Variants in PIK3C2G observed in about 807,000 individuals in gnomAD.
PIK3C2G encodes phosphatidylinositol 3-kinase C2 domain-containing subunit gamma.
PIK3C2G carries 168 observed loss-of-function variants against 181.1 expected under a neutral mutation model. The observed-to-expected ratio is 0.93, with a 90% CI of 0.82 to 1.05. The LOEUF is 1.05. Ranked by LOEUF, PIK3C2G falls within the 50% of genes least tolerant of loss-of-function variation. The pLI is 0.00. For synonymous variants in PIK3C2G, 573 were observed against 592.2 expected (o/e 0.97, Z 0.47); for missense variants, 1,869 against 1,732.8 (o/e 1.08, Z -1.40).
rs373807936 is a variant in PIK3C2G at position 18,384,180 on chromosome 12, C to T, written c.1995+2300C>T. Among the ~76,000 whole-genome samples the T allele has an allele frequency of 1.2e-3, 179 of 151,684 alleles. No individual in the cohort carries two copies. The Middle Eastern group carries it at 0.024, about 20-fold the overall frequency. ...AAGTTAAGGATCATAGGGCCAAAAA[C>T]TAAGAAAAAACAATTAAGTGGTAGA... is the stretch of plus-strand genomic sequence containing the variant. On this transcript the variant is annotated intron_variant, in intron 14 of 32. Coordinates refer to ENST00000538779, the MANE Select transcript of PIK3C2G (RefSeq NM_001288772.2).
At chr12:18,586,586 G>A (rs1481979823) in intron 29 of PIK3C2G, among the ~76,000 whole-genome samples, 1 of 151,810 alleles carries the variant, frequency 6.6e-6, no homozygotes, top group African/African-American at 2.4e-5. Flanking sequence ...AAATAACCTA[G>A]TAACCAAAAA....
intron 29 of PIK3C2G, among the ~76,000 whole-genome samples, chr12:18,578,106 ATATTAGG>A (rs1946321927): frequency 6.6e-6 from 1 of 152,188 alleles, no homozygotes; most frequent in African/African-American, 2.4e-5. Context: ...AGAAGGTGAT[ATATTAGG>A]TATCTGTCTT....
chr12:18,247,771 T>G (rs1948055322), exon 1 of PIK3C2G: 1 of 152,164 alleles, frequency 6.6e-6, no homozygotes. Context: ...GTCTAGTCCT[T>G]AGTTCCTGCC....
chr12:18,376,803 C>T (rs1390360753), intron 13 of PIK3C2G, among the ~76,000 whole-genome samples: 2 of 152,126 alleles, frequency 1.3e-5, no homozygotes, highest in African/African-American at 2.4e-5. Flanking sequence ...GTGTGTGGCA[C>T]ATCTTCAAAG....
chr12:18,515,836 G>A (rs1294332548), intron 24 of PIK3C2G, among the ~76,000 whole-genome samples: 1 of 151,790 alleles, frequency 6.6e-6, no homozygotes, highest in Non-Finnish European at 1.5e-5. Context: ...TTTTGTTGAT[G>A]TATGCATTTA....
chr12:18,338,675 G>C (rs1591995685), intron 9 of PIK3C2G, 127 bp downstream of exon 9: 1 of 533,578 alleles, frequency 1.9e-6, no homozygotes, highest in Non-Finnish European at 3.3e-6. Flanking sequence ...GTGTGTGTGT[G>C]TGTGTGTGTG....
At chr12:18,307,365 G>A (rs1404433851) in intron 5 of PIK3C2G, among the ~76,000 whole-genome samples, 1 of 151,544 alleles carries the variant, frequency 6.6e-6, no homozygotes, top group Non-Finnish European at 1.5e-5. Context: ...GATTTCCTAG[G>A]ATATGGGAAG....
At chr12:18,512,978 A>G (rs1942308871) in intron 24 of PIK3C2G, among the ~76,000 whole-genome samples, 1 of 151,836 alleles carries the variant, frequency 6.6e-6, no homozygotes, top group Admixed American at 6.6e-5. Context: ...CTTTATACTT[A>G]ATCTGTGGAG....
chr12:18,253,290 AAC>A (rs1201348845), intron 1 of PIK3C2G, among the ~76,000 whole-genome samples: 6 of 152,190 alleles, frequency 3.9e-5, no homozygotes, highest in Non-Finnish European at 8.8e-5. Context: ...ACTTATTTGT[AAC>A]ACATATAGTC....
the PIK3C2G span, among the ~76,000 whole-genome samples, chr12:18,665,934 C>G: frequency 7.8e-6 from 1 of 128,462 alleles, no homozygotes; most frequent in Non-Finnish European, 1.6e-5. Flanking sequence ...GACTCCATCT[C>G]AAAAAAAAAA....
At chr12:18,700,113 C>T in the PIK3C2G span, among the ~76,000 whole-genome samples, 1 of 151,464 alleles carries the variant, frequency 6.6e-6, no homozygotes, top group African/African-American at 2.4e-5. Context: ...TTTTTGGGAA[C>T]AAAAAAATAT....
intron 17 of PIK3C2G, among the ~76,000 whole-genome samples, chr12:18,423,635 T>A (rs12425813): frequency 1.3e-5 from 2 of 152,018 alleles, no homozygotes; most frequent in Admixed American, 1.3e-4. Flanking sequence ...TAATATTGTA[T>A]TTAATAATCC....
chr12:18,406,377 T>C (rs1426371575), intron 16 of PIK3C2G, among the ~76,000 whole-genome samples: 1 of 152,156 alleles, frequency 6.6e-6, no homozygotes, highest in Non-Finnish European at 1.5e-5. Context: ...CTAATTTTAA[T>C]TCATTTGGAT....
the PIK3C2G span, chr12:18,692,808 A>G: frequency 9.2e-6 from 14 of 1,524,168 alleles, no homozygotes; most frequent in African/African-American, 1.1e-4. Flanking sequence ...AGGTGGCAAG[A>G]AGGATGACAA....
the PIK3C2G span, among the ~76,000 whole-genome samples, chr12:18,661,241 T>C: frequency 6.6e-6 from 1 of 152,014 alleles, no homozygotes; most frequent in Non-Finnish European, 1.5e-5. Context: ...TTTGAAGAAA[T>C]AGTACCCCAA....
chr12:18,279,209 C>T (rs1048653924), intron 1 of PIK3C2G, among the ~76,000 whole-genome samples: 3 of 151,918 alleles, frequency 2.0e-5, no homozygotes, highest in African/African-American at 7.2e-5. Context: ...TAAACTCAAA[C>T]GTTAGATAAG....
At chr12:18,454,529 T>C (rs1447406) in intron 18 of PIK3C2G, among the ~76,000 whole-genome samples, 28,441 of 152,074 alleles carry the variant, frequency 0.19, 3,541 homozygotes, top group African/African-American at 0.36. Context: ...AAAAAGATCA[T>C]GCAGGGTCTT....
intron 25 of PIK3C2G, among the ~76,000 whole-genome samples, chr12:18,545,136 G>A (rs547115748): frequency 1.6e-4 from 24 of 151,758 alleles, no homozygotes; most frequent in Non-Finnish European, 3.2e-4. Context: ...TATCCTACTT[G>A]CCTTTCATCC....
intron 26 of PIK3C2G, among the ~76,000 whole-genome samples, chr12:18,558,128 G>C (rs1404228507): frequency 6.6e-6 from 1 of 152,046 alleles, no homozygotes; most frequent in African/African-American, 2.4e-5. Flanking sequence ...CAGCTATTTA[G>C]GATAGTATAA....
Sources: gnomAD v4.1 joint callset for allele counts (sites outside exome capture counted in the v4.1 genomes callset) on GRCh38, gnomAD v4.1.1 for gene constraint, MANE v1.5 for transcripts, NCBI Gene and HGNC (gene_info 2026-07-23, HGNC 2026-07-21) for gene names.